Variants in BCAS1 observed in about 807,000 individuals in gnomAD.
BCAS1 encodes the protein brain enriched myelin associated protein 1, also known as breast carcinoma-amplified sequence 1.
Under a neutral mutation model 65.4 loss-of-function variants are expected in BCAS1, and 46 were observed. That is an observed-to-expected ratio of 0.70 (90% CI 0.55 to 0.90). The LOEUF (loss-of-function observed/expected upper bound fraction) is 0.90, where lower values mean the gene tolerates loss of function less well. BCAS1 is among the 40% of genes least tolerant of loss of function. The pLI is 0.00. For missense variants in BCAS1, 793 were observed against 771.2 expected (o/e 1.03, Z -0.33); for synonymous variants, 298 against 293.5 (o/e 1.02, Z -0.16).
At chr20:54,005,700 G>T (rs2091170622) in intron 4 of BCAS1, among the ~76,000 whole-genome samples, 1 of 152,166 alleles carries the variant, frequency 6.6e-6, no homozygotes, top group African/African-American at 2.4e-5. Context: ...GGTCAAGAGT[G>T]ACTGAACTAG....
In BCAS1 at chr20:54,036,994, A is replaced by G. The variant is rs1396226783; in HGVS notation, c.143-8022T>C. Among the ~76,000 whole-genome samples the G allele has an allele frequency of 2.6e-5, 4 of 151,382 alleles. 1 individual carries two copies. Among genetic ancestry groups the G allele is most frequent in the Non-Finnish European group, 5.9e-5 (4 of 67,658 alleles). On this transcript the variant is annotated intron_variant, in intron 3 of 12. Coordinates refer to ENST00000688948, the MANE Select transcript of BCAS1 (RefSeq NM_001366298.2). ...CAGAGTTCTAATTATATATTTAAAC[A>G]TACATGCACACACACACGTTTGTAT...
chr20:54,057,172 C>G (rs1373758096), intron 3 of BCAS1, among the ~76,000 whole-genome samples: 2 of 152,186 alleles, frequency 1.3e-5, no homozygotes, highest in Non-Finnish European at 1.5e-5. Flanking sequence ...TAAGTATATG[C>G]CTCAGTTTTA....
At chr20:53,998,127 T>C (rs1454603518) in intron 4 of BCAS1, among the ~76,000 whole-genome samples, 1 of 151,894 alleles carries the variant, frequency 6.6e-6, no homozygotes, top group Admixed American at 6.6e-5. Context: ...TAGTGGAGAG[T>C]GGGATATGGT....
intron 10 of BCAS1, among the ~76,000 whole-genome samples, chr20:53,963,093 A>T (rs375286109): frequency 1.3e-5 from 2 of 150,426 alleles, no homozygotes; most frequent in African/African-American, 2.4e-5. Flanking sequence ...CTCGTAATCC[A>T]CCCGCCTCGG....
chr20:53,960,552 G>A (rs2089848230), intron 10 of BCAS1, among the ~76,000 whole-genome samples: 1 of 150,422 alleles, frequency 6.6e-6, no homozygotes, highest in South Asian at 2.1e-4. Flanking sequence ...TTATTTTGAG[G>A]CATGTAAAGC....
chr20:54,031,051 A>T (rs2091789323), intron 3 of BCAS1, among the ~76,000 whole-genome samples: 4 of 151,338 alleles, frequency 2.6e-5, no homozygotes. Context: ...AAATGCTAAG[A>T]TTCAAAACAG....
intron 4 of BCAS1, among the ~76,000 whole-genome samples, chr20:54,010,118 A>C (rs934321741): frequency 6.6e-6 from 1 of 152,186 alleles, no homozygotes; most frequent in African/African-American, 2.4e-5. Context: ...ATTGAGAACT[A>C]ACATTATCCT....
intron 6 of BCAS1, among the ~76,000 whole-genome samples, chr20:53,993,664 C>T (rs997273763): frequency 6.6e-6 from 1 of 152,164 alleles, no homozygotes; most frequent in Non-Finnish European, 1.5e-5. Context: ...CTGTTTAGAG[C>T]CTTTTACGCT....
intron 2 of BCAS1, 92 bp from the exon 3 acceptor site, chr20:54,058,246 C>CA (rs1362647629): frequency 6.8e-6 from 8 of 1,171,942 alleles, no homozygotes; most frequent in African/African-American, 1.5e-5. Flanking sequence ...GGGTGTCTCA[C>CA]AAAAAATTAA....
chr20:53,977,887 T>A lies in BCAS1; in HGVS notation c.1276-2457A>T, dbSNP rs186210112. On this transcript the variant is annotated intron_variant, in intron 8 of 12. Coordinates refer to ENST00000688948, the MANE Select transcript of BCAS1 (RefSeq NM_001366298.2). ...CCATGTTCTAATTCTTTTTTTAATTTATTTATTTATTATTATTATACTTTA... is the reference window on the plus strand; with the variant it reads ...CCATGTTCTAATTCTTTTTTTAATTAATTTATTTATTATTATTATACTTTA... Among the ~76,000 whole-genome samples, 811 of 152,190 alleles carry A rather than the reference T, an allele frequency of 5.3e-3. 5 individuals are homozygous for A. The highest frequency in any genetic ancestry group is 0.017 in the Middle Eastern group (5 of 294).
chr20:53,946,968 T>C (rs1268148007), intron 12 of BCAS1, among the ~76,000 whole-genome samples: 1 of 152,126 alleles, frequency 6.6e-6, no homozygotes, highest in East Asian at 1.9e-4. Flanking sequence ...ATACATGATG[T>C]ATATAGGGCA....
rs373960288 is a variant in BCAS1, at chr20:53,966,936, T to A, written c.1455A>T (p.Arg485Ser). Residue 485 changes from arginine to serine, a missense_variant, in exon 10 of 13, where the codon AGA becomes AGT. Coordinates refer to ENST00000688948, the MANE Select transcript of BCAS1 (RefSeq NM_001366298.2). ...GTCTGAGAAACGCCATCAGAGAGGTTCTTGGTTTGCTTTCTTCTCTTTTGA... is the reference window on the plus strand; with the variant it reads ...GTCTGAGAAACGCCATCAGAGAGGTACTTGGTTTGCTTTCTTCTCTTTTGA... Reference protein sequence around the residue: ...AKLKREESKPRTSLMAFLRQM... With the variant: ...AKLKREESKPSTSLMAFLRQM... The A allele has an allele frequency of 8.1e-6, 13 of 1,612,608 alleles. No homozygotes were observed. In the African/African-American group the frequency reaches 1.3e-4, roughly 17 times the overall value.
At chr20:54,004,059 T>G (rs1045342735) in intron 4 of BCAS1, among the ~76,000 whole-genome samples, 1 of 152,256 alleles carries the variant, frequency 6.6e-6, no homozygotes, top group South Asian at 2.1e-4. Context: ...TATTGTGGAC[T>G]GAAAGTTTGT....
chr20:54,045,597 A>G (rs290384), intron 3 of BCAS1, among the ~76,000 whole-genome samples: 53,777 of 152,098 alleles, frequency 0.35, 9,524 homozygotes, highest in South Asian at 0.42. Flanking sequence ...AACAACTCGA[A>G]CTGTTTCTTG....
At chr20:54,029,607 A>T (rs913150131) in intron 3 of BCAS1, among the ~76,000 whole-genome samples, 2 of 152,262 alleles carry the variant, frequency 1.3e-5, no homozygotes, top group Non-Finnish European at 2.9e-5. Flanking sequence ...CTGTGCCTCA[A>T]CTTTCTGGTA....
intron 4 of BCAS1, among the ~76,000 whole-genome samples, chr20:54,022,407 C>T (rs1276294391): frequency 2.6e-5 from 4 of 152,166 alleles, no homozygotes; most frequent in Non-Finnish European, 4.4e-5. Flanking sequence ...TTCATAATTA[C>T]TCATTTCTAA....
At chr20:54,023,099 A>C (rs189556358) in intron 4 of BCAS1, among the ~76,000 whole-genome samples, 1 of 152,238 alleles carries the variant, frequency 6.6e-6, no homozygotes, top group Non-Finnish European at 1.5e-5. Flanking sequence ...AAAAACAGTT[A>C]ATAATTCACT....
intron 7 of BCAS1, among the ~76,000 whole-genome samples, chr20:53,990,452 A>T (rs185535699): frequency 2.0e-5 from 3 of 152,236 alleles, no homozygotes; most frequent in Non-Finnish European, 4.4e-5. Context: ...AATTCTTTTT[A>T]TAAGAAGGAT....
chr20:53,987,903 C>T (rs967710509), intron 7 of BCAS1, among the ~76,000 whole-genome samples: 3 of 152,152 alleles, frequency 2.0e-5, no homozygotes, highest in Admixed American at 1.3e-4. Flanking sequence ...CGGCAAGTAT[C>T]GGAGCAAAGA....
Sources: gnomAD v4.1 joint callset for allele counts (sites outside exome capture counted in the v4.1 genomes callset) on GRCh38, gnomAD v4.1.1 for gene constraint, MANE v1.5 for transcripts, NCBI Gene and HGNC (gene_info 2026-07-23, HGNC 2026-07-21) for gene names.